The following PPP2R5E variants were observed in gnomAD, a reference collection of about 807,000 sequenced individuals.
PPP2R5E encodes serine/threonine-protein phosphatase 2A 56 kDa regulatory subunit epsilon isoform.
Under a neutral mutation model 65.3 loss-of-function variants are expected in PPP2R5E, and 4 were observed. The observed-to-expected ratio is 0.06, with a 90% CI of 0.03 to 0.14. PPP2R5E has a LOEUF of 0.14. Among genes scored for constraint, PPP2R5E ranks in the 10% least tolerant of loss-of-function variants. The pLI, the probability that PPP2R5E is intolerant of heterozygous loss-of-function variation, is 1.00. For missense variants in PPP2R5E, 274 were observed against 556.1 expected (o/e 0.49, Z 5.10); for synonymous variants, 183 against 187.4 (o/e 0.98, Z 0.19).
intron 5 of PPP2R5E, among the ~76,000 whole-genome samples, chr14:63,409,644 C>T (rs531024673): frequency 1.3e-5 from 2 of 152,208 alleles, no homozygotes; most frequent in East Asian, 1.9e-4. Flanking sequence ...TTATAAAAAA[C>T]GACACTGAGG....
At chr14:63,402,638 A>G (rs773465730) in intron 5 of PPP2R5E, among the ~76,000 whole-genome samples, 21 of 152,188 alleles carry the variant, frequency 1.4e-4, no homozygotes, top group Non-Finnish European at 2.9e-4. Flanking sequence ...TAGAAGTTCA[A>G]CATATAATAA....
chr14:63,416,139 G>A (rs1297700939), intron 4 of PPP2R5E, among the ~76,000 whole-genome samples: 1 of 152,144 alleles, frequency 6.6e-6, no homozygotes, highest in Non-Finnish European at 1.5e-5. Flanking sequence ...AGATCCTGAC[G>A]AGGTATGCAA....
intron 2 of PPP2R5E, among the ~76,000 whole-genome samples, chr14:63,494,979 G>A (rs1475442690): frequency 3.3e-5 from 5 of 151,458 alleles, no homozygotes; most frequent in Admixed American, 6.6e-5. Context: ...TGAGGCAGGC[G>A]GATCACTGGA....
chr14:63,425,728 T>C (rs921229962), intron 3 of PPP2R5E, among the ~76,000 whole-genome samples: 2 of 152,226 alleles, frequency 1.3e-5, no homozygotes, highest in East Asian at 3.8e-4. Flanking sequence ...ATTCACAAAA[T>C]AGAAGTTTGG....
intron 5 of PPP2R5E, among the ~76,000 whole-genome samples, chr14:63,400,834 C>A (rs1233226936): frequency 6.6e-6 from 1 of 151,896 alleles, no homozygotes; most frequent in African/African-American, 2.4e-5. Context: ...AATAATTAAC[C>A]TTGTAAGTTT....
chr14:63,518,674 C>T (rs1484299438), intron 2 of PPP2R5E, among the ~76,000 whole-genome samples: 1 of 151,990 alleles, frequency 6.6e-6, no homozygotes, highest in Non-Finnish European at 1.5e-5. Context: ...GCATGGAAAC[C>T]ACAATATCAT....
At chr14:63,540,040 G>A (rs1254185339) in intron 1 of PPP2R5E, among the ~76,000 whole-genome samples, 5 of 151,186 alleles carry the variant, frequency 3.3e-5, no homozygotes, top group Non-Finnish European at 7.4e-5. Context: ...TGAAAGAATC[G>A]CTTGAACCTG....
intron 2 of PPP2R5E, among the ~76,000 whole-genome samples, chr14:63,516,367 T>A (rs1421035570): frequency 6.6e-6 from 1 of 152,204 alleles, no homozygotes; most frequent in East Asian, 1.9e-4. Context: ...TAGGTTTCAT[T>A]GCTAATCAAA....
chr14:63,418,732 T>C (rs1340534272), intron 4 of PPP2R5E, among the ~76,000 whole-genome samples: 1 of 152,020 alleles, frequency 6.6e-6, no homozygotes, highest in Admixed American at 6.6e-5. Flanking sequence ...AAAGGTTGAA[T>C]AACATACAGA....
At chr14:63,486,458 A>G (rs1891002873) in intron 2 of PPP2R5E, among the ~76,000 whole-genome samples, 1 of 152,072 alleles carries the variant, frequency 6.6e-6, no homozygotes, top group African/African-American at 2.4e-5. Context: ...TTACACACAC[A>G]TTCATACATA....
In PPP2R5E at chr14:63,536,350, T is replaced by C. The variant is rs778945256; in HGVS notation, c.157+3179A>G. ...CTGAAATACCACTTCATACCTATTA[T>C]AATGACTACTATCAAAAAATTAAAA... On this transcript the variant is annotated intron_variant, in intron 2 of 13. Transcript: ENST00000337537. Among the ~76,000 whole-genome samples, 162 of 152,202 alleles carry C rather than the reference T, an allele frequency of 1.1e-3. 5 individuals carry two copies. Among genetic ancestry groups the C allele is most frequent in the Non-Finnish European group, 2.1e-4 (14 of 68,036 alleles).
At chr14:63,409,778 C>T (rs778353665) in intron 5 of PPP2R5E, among the ~76,000 whole-genome samples, 4 of 152,204 alleles carry the variant, frequency 2.6e-5, no homozygotes, top group African/African-American at 4.8e-5. Context: ...TCGATTTTGA[C>T]GTGTCTCCTG....
chr14:63,431,856 T>C (rs764255597), intron 3 of PPP2R5E, among the ~76,000 whole-genome samples: 1 of 152,240 alleles, frequency 6.6e-6, no homozygotes, highest in Non-Finnish European at 1.5e-5. Flanking sequence ...TTAGTAATTA[T>C]TCAAATATAC....
chr14:63,527,094 A>G (rs956016708), intron 2 of PPP2R5E, among the ~76,000 whole-genome samples: 5 of 152,100 alleles, frequency 3.3e-5, no homozygotes, highest in Non-Finnish European at 7.4e-5. Flanking sequence ...ACTTGAACCC[A>G]GGAGGTGGGG....
rs80316011 is a variant in PPP2R5E at position 63,430,510 on chromosome 14, G to A, written c.355-8416C>T. On this transcript the variant is annotated intron_variant, in intron 3 of 13. Transcript: ENST00000337537. Reference sequence around the variant, plus strand: ...AATAATAAATAATAACATATATAACGTCAAGTTACTTTTGGTAACACCAAA... The same window carrying A: ...AATAATAAATAATAACATATATAACATCAAGTTACTTTTGGTAACACCAAA... 5.6e-3 allele frequency among the ~76,000 whole-genome samples: 857 copies of A among 151,816 alleles called. 9 individuals are homozygous for A. Among genetic ancestry groups the A allele is most frequent in the Admixed American group, 0.031 (469 of 15,250 alleles).
rs573162983 is a variant in PPP2R5E, at chr14:63,506,176, C to T, written c.157+33353G>A. ...CTTAATAACAAAAAGATTGGCCGGG[C>T]GCAGTGGCTCAAGCCTGTAATCCTA... is the stretch of plus-strand genomic sequence containing the variant. On this transcript the variant is annotated intron_variant, in intron 2 of 13. Transcript: ENST00000337537. Among the ~76,000 whole-genome samples, 38 of 152,164 alleles carry T rather than the reference C, an allele frequency of 2.5e-4. No homozygotes were observed. The East Asian group carries it at 2.9e-3, about 12-fold the overall frequency.
At chr14:63,514,810 C>A (rs1384308658) in intron 2 of PPP2R5E, among the ~76,000 whole-genome samples, 2 of 152,168 alleles carry the variant, frequency 1.3e-5, no homozygotes, top group African/African-American at 4.8e-5. Flanking sequence ...CATGTGTTAG[C>A]TGCTACTCTA....
rs1893968829 is a variant in PPP2R5E, at chr14:63,542,938, T to TCCCTCCGGTTCCGCGGC, written c.-184_-168dup. 6.6e-6 allele frequency: 1 copy of TCCCTCCGGTTCCGCGGC among 152,086 alleles called. No individual in the cohort carries two copies. The allele number at this position is 152,086 out of a possible 1,614,324, so 9.4% of individuals were successfully genotyped here. A position where few individuals can be genotyped will look rare whatever the true frequency, so the allele number is the denominator to read the frequency against. ...GGGGCGACGGCTGTCCGGTACGGGG[T>TCCCTCCGGTTCCGCGGC]CCCTCCGGTTCCGCGGCGGCGGAGC... On this transcript the variant is annotated 5_prime_UTR_variant, in exon 1 of 14. Transcript: ENST00000337537.
In PPP2R5E at chr14:63,372,052, G is replaced by T; in HGVS notation, c.*3957C>A. On this transcript the variant is annotated 3_prime_UTR_variant, in exon 14 of 14. Coordinates refer to ENST00000337537, the MANE Select transcript of PPP2R5E (RefSeq NM_006246.5). ...TTCAAAAAAAGTAAAGAAAGAGGAA[G>T]GGAAGAGGGAAGGAGGAAAAGAGAA... 1 of 151,222 alleles carries T rather than the reference G, an allele frequency of 6.6e-6. No individual in the cohort carries two copies. 9.4% of individuals were successfully genotyped at this position (151,222 alleles called of 1,614,324 possible). A position where few individuals can be genotyped will look rare whatever the true frequency, so the allele number is the denominator to read the frequency against.
Sources: allele counts gnomAD v4.1 joint callset (sites outside exome capture counted in the v4.1 genomes callset), GRCh38; gene constraint gnomAD v4.1.1; transcripts MANE v1.5; gene names NCBI Gene and HGNC (gene_info 2026-07-23, HGNC 2026-07-21).